UBAC2: variants seen among roughly 807,000 people sequenced by gnomAD.
The protein encoded by UBAC2 is UBA domain containing 2.
Under a neutral mutation model 44.0 loss-of-function variants are expected in UBAC2, and 26 were observed. That is an observed-to-expected ratio of 0.59 (90% CI 0.43 to 0.82). UBAC2 has a LOEUF of 0.82. UBAC2 is among the 40% of genes least tolerant of loss of function. UBAC2 has a pLI of 0.00. For synonymous variants in UBAC2, 155 were observed against 154.3 expected (o/e 1.00, Z -0.04); for missense variants, 329 against 419.4 (o/e 0.78, Z 1.88).
intron 1 of UBAC2, among the ~76,000 whole-genome samples, chr13:99,228,291 A>AT (rs138887932): frequency 0.037 from 5,343 of 145,238 alleles, 112 homozygotes; most frequent in Middle Eastern, 0.14. Context: ...ATATTCATTC[A>AT]TTTTTTTTTT....
At chr13:99,304,051 A>T (rs1388398776) in intron 4 of UBAC2, among the ~76,000 whole-genome samples, 2 of 152,072 alleles carry the variant, frequency 1.3e-5, no homozygotes, top group African/African-American at 4.8e-5. Context: ...CCAGGCTCTC[A>T]AACGGGGCCC....
chr13:99,359,709 T>A (rs1445848686), intron 7 of UBAC2, among the ~76,000 whole-genome samples: 2 of 152,210 alleles, frequency 1.3e-5, no homozygotes, highest in East Asian at 1.9e-4. Flanking sequence ...GTGTGTGCCA[T>A]GAGGTGGAAA....
intron 7 of UBAC2, among the ~76,000 whole-genome samples, chr13:99,357,548 A>G (rs2138871403): frequency 6.6e-6 from 1 of 152,374 alleles, no homozygotes; most frequent in East Asian, 1.9e-4. Flanking sequence ...AAGTGTAAGC[A>G]TATTCATACT....
At chr13:99,293,829 TA>T (rs1314174351) in intron 4 of UBAC2, among the ~76,000 whole-genome samples, 1 of 152,164 alleles carries the variant, frequency 6.6e-6, no homozygotes, top group Non-Finnish European at 1.5e-5. Context: ...TAAAGTCCAA[TA>T]AAAATTTAAA....
At chr13:99,361,791 A>T (rs2045268605) in intron 7 of UBAC2, among the ~76,000 whole-genome samples, 1 of 152,164 alleles carries the variant, frequency 6.6e-6, no homozygotes. Context: ...TATCTCCTGG[A>T]TTGGGGGTAG....
At chr13:99,243,116 T>A (rs1336535666) in intron 2 of UBAC2, among the ~76,000 whole-genome samples, 1 of 152,112 alleles carries the variant, frequency 6.6e-6, no homozygotes, top group Non-Finnish European at 1.5e-5. Flanking sequence ...GTTTTACCTA[T>A]CTCATAAGGT....
intron 1 of UBAC2, chr13:99,201,389 G>A: frequency 6.2e-7 from 1 of 1,602,250 alleles, no homozygotes; most frequent in Non-Finnish European, 8.5e-7. Flanking sequence ...CGCTTTAGAA[G>A]CTGACCTCTC....
rs532148354 is a variant in UBAC2 at position 99,286,204 on chromosome 13, C to T, written c.390-27893C>T. 2.6e-5 allele frequency among the ~76,000 whole-genome samples: 4 copies of T among 152,316 alleles called. No homozygotes were observed. In the South Asian group the frequency reaches 8.3e-4, roughly 32 times the overall value. ...AGATTTCTGTTATCTATAACTGAACCTTGGCTGACAGAACTGCTAATCAAA... is the reference window on the plus strand; with the variant it reads ...AGATTTCTGTTATCTATAACTGAACTTTGGCTGACAGAACTGCTAATCAAA... On this transcript the variant is annotated intron_variant, in intron 4 of 8. Coordinates refer to ENST00000403766, the MANE Select transcript of UBAC2 (RefSeq NM_001144072.2).
chr13:99,383,790 G>A (rs1021202110), intron 8 of UBAC2, among the ~76,000 whole-genome samples: 5 of 152,250 alleles, frequency 3.3e-5, no homozygotes, highest in Admixed American at 3.3e-4. Context: ...TCTGAGCAGT[G>A]TCCACTGCGT....
intron 1 of UBAC2, among the ~76,000 whole-genome samples, chr13:99,218,305 C>T (rs1271797860): frequency 6.6e-6 from 1 of 152,136 alleles, no homozygotes; most frequent in Non-Finnish European, 1.5e-5. Flanking sequence ...GTGCCCAGTG[C>T]CTTTGCTGAC....
At chr13:99,235,696 CG>C (rs1289532070) in intron 1 of UBAC2, among the ~76,000 whole-genome samples, 2 of 152,068 alleles carry the variant, frequency 1.3e-5, no homozygotes, top group Non-Finnish European at 2.9e-5. Flanking sequence ...GTGCTGGGGC[CG>C]GGTGCAGTGG....
chr13:99,295,697 C>T lies in UBAC2; in HGVS notation c.390-18400C>T, dbSNP rs373174545. 3 of 1,613,988 alleles carry T rather than the reference C, an allele frequency of 1.9e-6. No individual in the cohort carries two copies. The highest frequency in any genetic ancestry group is 1.3e-5 in the African/African-American group (1 of 74,896). On this transcript the variant is annotated intron_variant, in intron 4 of 8. Transcript: ENST00000403766. The surrounding 1 kb of genome is among the most constrained non-coding windows in gnomAD (Gnocchi z 4.1). ...TAGAATCCAGACAAATATGCACACG[C>T]CTTTTGCATGTTCAATCCTTTTTAT... is the stretch of plus-strand genomic sequence containing the variant.
intron 8 of UBAC2, among the ~76,000 whole-genome samples, chr13:99,371,866 G>A (rs1433293489): frequency 6.6e-6 from 1 of 152,214 alleles, no homozygotes; most frequent in Non-Finnish European, 1.5e-5. Flanking sequence ...AGAAGAATGT[G>A]CATCCTTTAA....
intron 1 of UBAC2, among the ~76,000 whole-genome samples, chr13:99,204,111 C>T (rs1374114296): frequency 6.6e-6 from 1 of 152,178 alleles, no homozygotes; most frequent in Non-Finnish European, 1.5e-5. Flanking sequence ...AGTATGTTTA[C>T]TGTGTAATGA....
chr13:99,351,374 A>C (rs1160257372), intron 7 of UBAC2: 4 of 358,994 alleles, frequency 1.1e-5, no homozygotes, highest in Non-Finnish European at 1.1e-5. Context: ...ATCTGAAGCT[A>C]GGAACAGGTT....
At chr13:99,347,667 C>T (rs930455476) in intron 7 of UBAC2, among the ~76,000 whole-genome samples, 3 of 151,724 alleles carry the variant, frequency 2.0e-5, no homozygotes, top group Non-Finnish European at 2.9e-5. Context: ...CTATAGATCT[C>T]ACTTCAACTG....
chr13:99,226,406 C>G (rs935683721), intron 1 of UBAC2, among the ~76,000 whole-genome samples: 1 of 152,044 alleles, frequency 6.6e-6, no homozygotes, highest in Admixed American at 6.6e-5. Context: ...TTCAACCTCC[C>G]TCTTCATCTA....
At chr13:99,329,522 A>G (rs1378183200) in intron 6 of UBAC2, among the ~76,000 whole-genome samples, 1 of 152,232 alleles carries the variant, frequency 6.6e-6, no homozygotes, top group Non-Finnish European at 1.5e-5. Context: ...GGCAAAAATG[A>G]TGGAATGTGA....
intron 6 of UBAC2, among the ~76,000 whole-genome samples, chr13:99,322,843 CA>C (rs1555329381): frequency 1.3e-5 from 2 of 152,276 alleles, no homozygotes; most frequent in Middle Eastern, 3.4e-3. Flanking sequence ...GATCATAGGA[CA>C]GGGGTAGGGA....
Sources: allele counts gnomAD v4.1 joint callset (sites outside exome capture counted in the v4.1 genomes callset), GRCh38; gene constraint gnomAD v4.1.1; non-coding constraint Gnocchi (gnomAD v3.1); transcripts MANE v1.5; gene names NCBI Gene and HGNC (gene_info 2026-07-23, HGNC 2026-07-21).